Variants in MECOM observed in about 807,000 individuals in gnomAD.
MECOM encodes MDS1 and EVI1 complex locus.
A neutral mutation model predicts 116.3 loss-of-function variants in MECOM; 13 were observed. The observed-to-expected ratio is 0.11, with a 90% CI of 0.07 to 0.18. The LOEUF (loss-of-function observed/expected upper bound fraction) is 0.18. Ranked by LOEUF, MECOM falls within the 10% of genes least tolerant of loss-of-function variation. The pLI, the probability that MECOM is intolerant of heterozygous loss-of-function variation, is 1.00. For synonymous variants in MECOM, 528 were observed against 535.2 expected, an observed-to-expected ratio of 0.99 and a Z score of 0.19; for missense variants, 1,299 against 1,509.0, an observed-to-expected ratio of 0.86 and a Z score of 2.31.
At chr3:169,209,545 G>T (rs956281181) in intron 2 of MECOM, among the ~76,000 whole-genome samples, 5 of 152,080 alleles carry the variant, frequency 3.3e-5, no homozygotes, top group African/African-American at 1.2e-4. Flanking sequence ...AGTGGGCAAA[G>T]GATATGAACA....
At chr3:169,602,874 C>T (rs777570426) in intron 1 of MECOM, among the ~76,000 whole-genome samples, 11 of 152,078 alleles carry the variant, frequency 7.2e-5, no homozygotes, top group African/African-American at 2.4e-4. Context: ...TTGAAATGCT[C>T]GTTAGAAACA....
intron 2 of MECOM, among the ~76,000 whole-genome samples, chr3:169,348,481 A>C (rs571593209): frequency 1.1e-4 from 17 of 152,104 alleles, no homozygotes; most frequent in Admixed American, 9.8e-4. Context: ...CTTAACTATG[A>C]GATTTCCCTC....
At chr3:169,422,942 T>C (rs930839637) in intron 1 of MECOM, among the ~76,000 whole-genome samples, 8 of 152,050 alleles carry the variant, frequency 5.3e-5, no homozygotes, top group African/African-American at 1.9e-4. Context: ...ACACAATAAA[T>C]TGTAAAAATT....
chr3:169,467,021 G>C (rs1325317427), intron 1 of MECOM: 1 of 152,168 alleles, frequency 6.6e-6, no homozygotes, highest in African/African-American at 2.4e-5. Flanking sequence ...AGTTTCTTTG[G>C]CTGTAAATTC....
chr3:169,272,280 TG>T (rs1459593811), intron 2 of MECOM, among the ~76,000 whole-genome samples: 2 of 152,134 alleles, frequency 1.3e-5, no homozygotes, highest in Non-Finnish European at 2.9e-5. Context: ...ACATGATTCA[TG>T]GGAGTCAAAG....
rs369272389 is a variant in MECOM at position 169,442,862 on chromosome 3, G to T, written c.38-61338C>A. On this transcript the variant is annotated intron_variant, in intron 1 of 16. Coordinates refer to ENST00000651503, the MANE Select transcript of MECOM (RefSeq NM_004991.4). ...CCCTGAATACAGAATTGGTCAAATG[G>T]AGTAGTATCTTTATGGCCCTAATAC... Among the ~76,000 whole-genome samples the T allele has an allele frequency of 7.2e-5, 11 of 152,156 alleles. No homozygotes were observed. In the South Asian group the frequency reaches 2.3e-3, roughly 32 times the overall value.
chr3:169,275,446 C>T (rs1759459931), intron 2 of MECOM, among the ~76,000 whole-genome samples: 1 of 152,074 alleles, frequency 6.6e-6, no homozygotes, highest in Non-Finnish European at 1.5e-5. Context: ...TTTGGAAGGT[C>T]TCCTGCCTAG....
At chr3:169,205,323 C>T (rs1749774997) in intron 2 of MECOM, among the ~76,000 whole-genome samples, 1 of 152,098 alleles carries the variant, frequency 6.6e-6, no homozygotes, top group African/African-American at 2.4e-5. Context: ...TATTAATTTA[C>T]TTTTTGAAAT....
At chr3:169,561,186 AT>A (rs1189426240) in intron 1 of MECOM, among the ~76,000 whole-genome samples, 2 of 152,064 alleles carry the variant, frequency 1.3e-5, no homozygotes, top group African/African-American at 4.8e-5. Flanking sequence ...GTATATGAAT[AT>A]TGGAGCTTTC....
intron 10 of MECOM, among the ~76,000 whole-genome samples, chr3:169,104,640 G>A (rs1406215345): frequency 2.0e-5 from 3 of 152,176 alleles, no homozygotes; most frequent in Non-Finnish European, 4.4e-5. Flanking sequence ...GACATACTCA[G>A]ACTCCTGCAA....
At chr3:169,239,945 C>G (rs1207066352) in intron 2 of MECOM, among the ~76,000 whole-genome samples, 2 of 152,196 alleles carry the variant, frequency 1.3e-5, no homozygotes, top group African/African-American at 4.8e-5. Flanking sequence ...AAGAATTCAA[C>G]TGCTGAAGTT....
At chr3:169,329,496 A>G (rs886130095) in intron 2 of MECOM, among the ~76,000 whole-genome samples, 26 of 152,172 alleles carry the variant, frequency 1.7e-4, no homozygotes, top group African/African-American at 6.0e-4. Flanking sequence ...TGAACCATTG[A>G]GCATCCTTTT....
intron 16 of MECOM, 37 bp downstream of exon 16, chr3:169,088,963 A>G (rs368329732): frequency 2.6e-5 from 38 of 1,434,286 alleles, no homozygotes; most frequent in Non-Finnish European, 3.1e-5. Context: ...TTCATGCATA[A>G]TGTAACCATG....
At chr3:169,385,363 T>A (rs1577941980) in intron 1 of MECOM, among the ~76,000 whole-genome samples, 1 of 152,036 alleles carries the variant, frequency 6.6e-6, no homozygotes, top group South Asian at 2.1e-4. Context: ...ACAACTTACA[T>A]AGGTCAAGCA....
chr3:169,126,034 T>A (rs920111498), intron 5 of MECOM, among the ~76,000 whole-genome samples: 2 of 152,146 alleles, frequency 1.3e-5, no homozygotes, highest in African/African-American at 4.8e-5. Flanking sequence ...GTTGGAGGAT[T>A]AGCATTCAAT....
intron 2 of MECOM, among the ~76,000 whole-genome samples, chr3:169,152,512 A>G (rs1430130382): frequency 1.3e-5 from 2 of 152,144 alleles, no homozygotes; most frequent in Non-Finnish European, 2.9e-5. Context: ...GGATTCAGGC[A>G]TGTTTACTCT....
intron 1 of MECOM, among the ~76,000 whole-genome samples, chr3:169,427,999 T>C (rs943395581): frequency 6.6e-6 from 1 of 152,120 alleles, no homozygotes; most frequent in Non-Finnish European, 1.5e-5. Flanking sequence ...AAGAGGAGAT[T>C]AGAACACAGT....
chr3:169,581,023 C>T (rs79962621), intron 1 of MECOM, among the ~76,000 whole-genome samples: 1,855 of 152,232 alleles, frequency 0.012, 42 homozygotes, highest in African/African-American at 0.042. Flanking sequence ...AACACCAACA[C>T]CAGAATGTGG....
intron 2 of MECOM, among the ~76,000 whole-genome samples, chr3:169,214,958 G>A (rs1282304642): frequency 6.7e-6 from 1 of 148,798 alleles, no homozygotes; most frequent in Admixed American, 6.7e-5. Flanking sequence ...AATACCCTCT[G>A]CAAAAATCAG....
Sources: allele counts gnomAD v4.1 joint callset (sites outside exome capture counted in the v4.1 genomes callset), GRCh38; gene constraint gnomAD v4.1.1; transcripts MANE v1.5; gene names NCBI Gene and HGNC (gene_info 2026-07-23, HGNC 2026-07-21).